Variants in GPHN observed in about 807,000 individuals in gnomAD.
The protein encoded by GPHN is gephyrin.
A neutral mutation model predicts 95.5 loss-of-function variants in GPHN; 17 were observed. That is an observed-to-expected ratio of 0.18 (90% CI 0.12 to 0.27). The LOEUF (loss-of-function observed/expected upper bound fraction) is 0.27, where lower values mean the gene tolerates loss of function less well. GPHN is among the 10% of genes least tolerant of loss of function. The pLI, the probability that GPHN is intolerant of heterozygous loss-of-function variation, is 1.00. For missense variants in GPHN, 660 were observed against 978.1 expected (o/e 0.67, Z 4.34); for synonymous variants, 320 against 322.5 (o/e 0.99, Z 0.08).
the GPHN span, among the ~76,000 whole-genome samples, chr14:67,601,341 G>T: frequency 6.6e-6 from 1 of 152,152 alleles, no homozygotes; most frequent in Admixed American, 6.5e-5. Flanking sequence ...GGGGAAAACA[G>T]TTGGAAGCTG....
Position 66,726,438 on chromosome 14 carries a change from A to G in GPHN, c.143+45253A>G, listed in dbSNP as rs572655768. ...TCTAGTATATTTTACTATTTTGAGA[A>G]GCAAATCAACTCATTTATGAATCCT... On this transcript the variant is annotated intron_variant, in intron 2 of 22. Coordinates refer to ENST00000478722, the MANE Select transcript of GPHN (RefSeq NM_020806.5). 5.3e-5 allele frequency among the ~76,000 whole-genome samples: 8 copies of G among 152,328 alleles called. No individual in the cohort carries two copies. In the East Asian group the frequency reaches 1.5e-3, roughly 29 times the overall value.
At chr14:67,322,977 G>A in the GPHN span, among the ~76,000 whole-genome samples, 1 of 152,192 alleles carries the variant, frequency 6.6e-6, no homozygotes, top group African/African-American at 2.4e-5. Context: ...TATGTTCTAT[G>A]ATTTTGCTTA....
chr14:66,608,557 G>T, intron 1 of GPHN, among the ~76,000 whole-genome samples: 1 of 152,018 alleles, frequency 6.6e-6, no homozygotes, highest in Admixed American at 6.6e-5. Context: ...TTCTTCCTCA[G>T]TGATCTGTCT....
the GPHN span, among the ~76,000 whole-genome samples, chr14:67,347,629 T>C: frequency 5.3e-5 from 8 of 151,738 alleles, no homozygotes; most frequent in East Asian, 1.4e-3. Context: ...GCCTCCTGAA[T>C]AGGTGGGATT....
At chr14:67,044,224 C>G (rs2074871264) in intron 10 of GPHN, among the ~76,000 whole-genome samples, 1 of 152,062 alleles carries the variant, frequency 6.6e-6, no homozygotes. Context: ...GTAATCCCAG[C>G]TACTTGGGAG....
At chr14:67,549,981 C>G in the GPHN span, among the ~76,000 whole-genome samples, 90,917 of 151,994 alleles carry the variant, frequency 0.6, 27,648 homozygotes, top group Non-Finnish European at 0.65. Context: ...GCCCCATTCA[C>G]CTGTCTTTCT....
At chr14:67,657,755 T>TG in the GPHN span, among the ~76,000 whole-genome samples, 1 of 33,616 alleles carries the variant, frequency 3.0e-5, no homozygotes, top group East Asian at 7.7e-4. Flanking sequence ...TTCTTTCTTT[T>TG]TTTTTTTTTT....
intron 9 of GPHN, among the ~76,000 whole-genome samples, chr14:66,989,305 G>C (rs1373669287): frequency 6.6e-6 from 1 of 151,848 alleles, no homozygotes; most frequent in South Asian, 2.1e-4. Context: ...AATTATTCTA[G>C]AAACCCATAA....
intron 1 of GPHN, among the ~76,000 whole-genome samples, chr14:66,605,163 T>C (rs955849604): frequency 6.6e-6 from 1 of 152,168 alleles, no homozygotes; most frequent in Non-Finnish European, 1.5e-5. Flanking sequence ...AGTGAACATA[T>C]CGGTGCATAT....
At chr14:67,280,282 C>G in the GPHN span, among the ~76,000 whole-genome samples, 1 of 152,224 alleles carries the variant, frequency 6.6e-6, no homozygotes, top group Non-Finnish European at 1.5e-5. Flanking sequence ...GCCCTTCTTG[C>G]ACGTGCACAT....
In GPHN at chr14:66,681,171, A is replaced by T. The variant is rs375086647; in HGVS notation, c.129A>T (p.Val43=). 2.5e-6 allele frequency: 4 copies of T among 1,584,070 alleles called. No homozygotes were observed. In the South Asian group the frequency reaches 4.4e-5, roughly 18 times the overall value. Reference sequence around the variant, plus strand: ...GTGGGATAAATCTCAAAGATCTCGTACAAGATCCTTCTTTGTGAGTATTGT... The same window carrying T: ...GTGGGATAAATCTCAAAGATCTCGTTCAAGATCCTTCTTTGTGAGTATTGT... The part of the protein sequence containing the change: ...DRSGINLKDL[V]QDPSLLGGTI... The change falls in exon 2 of 23, where the codon GTA becomes GTT. Residue 43 remains valine, a synonymous_variant. Transcript: ENST00000478722.
chr14:66,665,349 A>T (rs2065890823), intron 1 of GPHN, among the ~76,000 whole-genome samples: 1 of 152,220 alleles, frequency 6.6e-6, no homozygotes, highest in African/African-American at 2.4e-5. Flanking sequence ...CAATCTACTC[A>T]TCTGACAAAG....
At chr14:66,950,140 A>G (rs991552624) in intron 8 of GPHN, among the ~76,000 whole-genome samples, 1 of 152,186 alleles carries the variant, frequency 6.6e-6, no homozygotes, top group Non-Finnish European at 1.5e-5. Context: ...ATATCTAAAG[A>G]AAGTTTGAGA....
chr14:67,382,307 C>G, the GPHN span: 3 of 659,138 alleles, frequency 4.6e-6, no homozygotes, highest in Admixed American at 3.6e-5. Flanking sequence ...CTGTAGGACC[C>G]TAAATTACTG....
At chr14:67,346,160 G>T in the GPHN span, among the ~76,000 whole-genome samples, 1 of 152,100 alleles carries the variant, frequency 6.6e-6, no homozygotes, top group Non-Finnish European at 1.5e-5. Flanking sequence ...AAATCATACT[G>T]CCTGATGCCC....
At chr14:66,796,666 A>G (rs1410045170) in intron 3 of GPHN, among the ~76,000 whole-genome samples, 1 of 151,820 alleles carries the variant, frequency 6.6e-6, no homozygotes, top group African/African-American at 2.4e-5. Context: ...CTATTTTTAA[A>G]TTGAATAGAT....
chr14:66,508,910 G>A (rs112718932), intron 1 of GPHN: 5,146 of 389,460 alleles, frequency 0.013, 55 homozygotes, highest in Non-Finnish European at 0.017. Flanking sequence ...GTCGGTGCAG[G>A]CGGCGGGATC....
chr14:67,198,893 T>C, the GPHN span: 29 of 688,528 alleles, frequency 4.2e-5, no homozygotes, highest in South Asian at 1.4e-4. Flanking sequence ...GGGTCATACC[T>C]CTAAAGTTCC....
the GPHN span, among the ~76,000 whole-genome samples, chr14:67,213,411 G>A: frequency 2.1e-5 from 3 of 141,026 alleles, no homozygotes; most frequent in East Asian, 2.1e-4. Flanking sequence ...GAGAATATGC[G>A]GTGTTTGGTT....
Sources: allele counts gnomAD v4.1 joint callset (sites outside exome capture counted in the v4.1 genomes callset), GRCh38; gene constraint gnomAD v4.1.1; transcripts MANE v1.5; gene names NCBI Gene and HGNC (gene_info 2026-07-23, HGNC 2026-07-21).